The following CLASP2 variants were observed in gnomAD, a reference collection of about 807,000 sequenced individuals.
CLASP2 encodes CLIP-associating protein 2.
CLASP2 carries 47 observed loss-of-function variants against 194.4 expected under a neutral mutation model. That is an observed-to-expected ratio of 0.24 (90% CI 0.19 to 0.31). CLASP2 has a LOEUF of 0.31. CLASP2 is among the 10% of genes least tolerant of loss of function. The pLI is 1.00. For missense variants in CLASP2, 1,445 were observed against 1,823.6 expected (o/e 0.79, Z 3.78); for synonymous variants, 619 against 633.5 (o/e 0.98, Z 0.34).
intron 7 of CLASP2, among the ~76,000 whole-genome samples, chr3:33,661,632 G>A (rs549490784): frequency 6.6e-6 from 1 of 152,266 alleles, no homozygotes; most frequent in South Asian, 2.1e-4. Context: ...AAAGATAACA[G>A]GGTTTCATTT....
At chr3:33,585,750 G>T (rs1042288211) in intron 21 of CLASP2, among the ~76,000 whole-genome samples, 7 of 151,726 alleles carry the variant, frequency 4.6e-5, no homozygotes, top group African/African-American at 1.7e-4. Flanking sequence ...AATTTTACGG[G>T]ACTACTGTCA....
intron 12 of CLASP2, among the ~76,000 whole-genome samples, chr3:33,615,976 A>G (rs1483985256): frequency 6.6e-6 from 1 of 152,114 alleles, no homozygotes; most frequent in Non-Finnish European, 1.5e-5. Context: ...ATAAAGAAAA[A>G]GCAGTGCAAA....
intron 27 of CLASP2, among the ~76,000 whole-genome samples, chr3:33,564,211 G>T: frequency 6.6e-6 from 1 of 152,188 alleles, no homozygotes; most frequent in Non-Finnish European, 1.5e-5. Flanking sequence ...CAGAGGCTGA[G>T]AACCCAATAA....
intron 21 of CLASP2, chr3:33,588,659 AGG>A: frequency 1.4e-6 from 1 of 700,200 alleles, no homozygotes; most frequent in Non-Finnish European, 2.6e-6. Flanking sequence ...TAATGAAAAT[AGG>A]TGATCAAACA....
rs759814744 is a variant in CLASP2 at position 33,576,158 on chromosome 3, G to A, written c.2454+11C>T. ...GAACATTTATAATGATAAGAAAATG[G>A]AGAAGAGTACCAAGGCATCTGCCAC... On this transcript the variant is annotated intron_variant, in intron 24 of 38. Transcript: ENST00000682230. 1.1e-5 allele frequency: 17 copies of A among 1,600,764 alleles called. No homozygotes were observed. The highest frequency in any genetic ancestry group is 1.5e-5 in the Non-Finnish European group (17 of 1,168,300).
intron 22 of CLASP2, among the ~76,000 whole-genome samples, chr3:33,583,511 C>T (rs1436709979): frequency 6.6e-6 from 1 of 152,204 alleles, no homozygotes; most frequent in Non-Finnish European, 1.5e-5. Flanking sequence ...TTACTCATAA[C>T]ACAGTATATG....
At chr3:33,505,572 T>C (rs1463432202) in intron 37 of CLASP2, 1 of 152,090 alleles carries the variant, frequency 6.6e-6, no homozygotes, top group Non-Finnish European at 1.5e-5. Context: ...CCAAAATGAA[T>C]AGAATCATGC....
chr3:33,696,228 T>G (rs1273798323), intron 2 of CLASP2, among the ~76,000 whole-genome samples: 3 of 151,792 alleles, frequency 2.0e-5, no homozygotes, highest in African/African-American at 7.3e-5. Flanking sequence ...GTCTGCAACA[T>G]GCTGGCAATG....
intron 36 of CLASP2, among the ~76,000 whole-genome samples, chr3:33,514,233 C>T (rs1311796935): frequency 3.5e-4 from 53 of 152,084 alleles, no homozygotes; most frequent in Non-Finnish European, 1.5e-5. Context: ...AGTGATCCAC[C>T]TGCTTGGCCT....
chr3:33,710,311 T>G (rs1013940637), intron 1 of CLASP2, among the ~76,000 whole-genome samples: 1 of 152,200 alleles, frequency 6.6e-6, no homozygotes, highest in East Asian at 1.9e-4. Flanking sequence ...AGAAAACCTT[T>G]TAAAAATCCA....
At chr3:33,584,981 G>A in intron 21 of CLASP2, 61 bp from the exon 22 acceptor site, 1 of 1,456,894 alleles carries the variant, frequency 6.9e-7, no homozygotes. Context: ...TTGCTGAAAG[G>A]ATAAAAATTC....
At chr3:33,562,695 T>TC (rs1560044092) in intron 27 of CLASP2, among the ~76,000 whole-genome samples, 1 of 152,232 alleles carries the variant, frequency 6.6e-6, no homozygotes, top group Non-Finnish European at 1.5e-5. Context: ...CACTTGTCTA[T>TC]GCTCCTGAAG....
chr3:33,553,936 T>C (rs2060467746), intron 29 of CLASP2, among the ~76,000 whole-genome samples: 1 of 152,034 alleles, frequency 6.6e-6, no homozygotes, highest in African/African-American at 2.4e-5. Context: ...AATACCAAGA[T>C]ATGGAATCGG....
At chr3:33,508,841 C>A (rs1315413061) in intron 37 of CLASP2, among the ~76,000 whole-genome samples, 1 of 152,174 alleles carries the variant, frequency 6.6e-6, no homozygotes, top group African/African-American at 2.4e-5. Flanking sequence ...TCATGAATTT[C>A]ACTTTAAAAT....
At chr3:33,638,623 T>A (rs1340263658) in intron 8 of CLASP2, among the ~76,000 whole-genome samples, 1 of 152,176 alleles carries the variant, frequency 6.6e-6, no homozygotes, top group Non-Finnish European at 1.5e-5. Context: ...TTTTCATTAG[T>A]AAGAAACACA....
chr3:33,607,325 T>G (rs1207834311), intron 15 of CLASP2, 59 bp downstream of exon 15: 23 of 1,158,024 alleles, frequency 2.0e-5, no homozygotes, highest in Non-Finnish European at 2.5e-5. Context: ...TTCATTCTCC[T>G]AATACATTTT....
intron 7 of CLASP2, among the ~76,000 whole-genome samples, chr3:33,657,520 A>G (rs1196999562): frequency 7.2e-6 from 1 of 139,462 alleles, no homozygotes; most frequent in Non-Finnish European, 1.5e-5. Flanking sequence ...ATGTTTAAGA[A>G]ATAAAATAAA....
intron 7 of CLASP2, chr3:33,645,346 T>A (rs1337895910): frequency 1.3e-6 from 1 of 764,888 alleles, no homozygotes; most frequent in East Asian, 2.4e-5. Flanking sequence ...TCCCTCACCC[T>A]AGGAGGCTCC....
intron 6 of CLASP2, among the ~76,000 whole-genome samples, chr3:33,674,861 C>T (rs1025933644): frequency 2.4e-4 from 37 of 152,288 alleles, no homozygotes; most frequent in African/African-American, 6.5e-4. Flanking sequence ...TTCCTGGACA[C>T]ATACACCCTC....
Sources: gnomAD v4.1 joint callset for allele counts (sites outside exome capture counted in the v4.1 genomes callset) on GRCh38, gnomAD v4.1.1 for gene constraint, MANE v1.5 for transcripts, NCBI Gene and HGNC (gene_info 2026-07-23, HGNC 2026-07-21) for gene names.